Variants in CPNE4 observed in about 807,000 individuals in gnomAD.
CPNE4 encodes the protein copine 4.
CPNE4 carries 25 observed loss-of-function variants against 67.9 expected under a neutral mutation model. The observed-to-expected ratio is 0.37, with a 90% confidence interval of 0.27 to 0.51. The LOEUF (loss-of-function observed/expected upper bound fraction) is 0.51, where lower values mean the gene tolerates loss of function less well. Among genes scored for constraint, CPNE4 ranks in the 20% least tolerant of loss-of-function variants. The probability of loss-of-function intolerance (pLI) is 0.93; values close to 1 mark genes in which losing one functional copy is unlikely to be tolerated. For synonymous variants in CPNE4, 242 were observed against 244.9 expected (o/e 0.99, Z 0.11); for missense variants, 464 against 690.8 (o/e 0.67, Z 3.68).
intron 2 of CPNE4, among the ~76,000 whole-genome samples, chr3:131,792,648 T>TGTATATATATAC (rs2083770271): frequency 7.9e-5 from 3 of 37,786 alleles, no homozygotes; most frequent in Non-Finnish European, 1.2e-4. Context: ...TGTATATATG[T>TGTATATATATAC]ATATATACAC....
At chr3:131,814,817 G>C (rs1164197811) in intron 2 of CPNE4, among the ~76,000 whole-genome samples, 1 of 148,794 alleles carries the variant, frequency 6.7e-6, no homozygotes, top group Non-Finnish European at 1.5e-5. Flanking sequence ...TTATAGCCGG[G>C]ATGGTCTCGA....
intron 1 of CPNE4, among the ~76,000 whole-genome samples, chr3:131,991,017 G>C (rs1036998411): frequency 7.3e-6 from 1 of 136,390 alleles, no homozygotes; most frequent in African/African-American, 2.5e-5. Context: ...CTTCCACCGT[G>C]ATTGTAAGTT....
chr3:131,807,383 AC>A (rs1201315123), intron 2 of CPNE4, among the ~76,000 whole-genome samples: 1 of 152,208 alleles, frequency 6.6e-6, no homozygotes, highest in African/African-American at 2.4e-5. Flanking sequence ...TTTTTAAAAA[AC>A]ATTTTGCTTT....
chr3:131,737,754 C>G (rs1438954531), intron 2 of CPNE4, among the ~76,000 whole-genome samples: 1 of 152,048 alleles, frequency 6.6e-6, no homozygotes, highest in African/African-American at 2.4e-5. Context: ...GGTTAGAGGG[C>G]TCAGGAAATG....
intron 1 of CPNE4, among the ~76,000 whole-genome samples, chr3:131,956,330 T>A (rs2071971149): frequency 6.6e-6 from 1 of 152,212 alleles, no homozygotes; most frequent in Non-Finnish European, 1.5e-5. Flanking sequence ...ATTGGCTTGA[T>A]GTATTTCTTA....
chr3:131,828,207 T>C lies in CPNE4; in HGVS notation c.180+77057A>G, dbSNP rs573332262. 4.3e-4 allele frequency among the ~76,000 whole-genome samples: 66 copies of C among 152,290 alleles called. 1 individual carries two copies. Among genetic ancestry groups the C allele is most frequent in the African/African-American group, 1.6e-3 (66 of 41,574 alleles). On this transcript the variant is annotated intron_variant, in intron 2 of 15. Transcript: ENST00000429747. ...TTTCATTGAGAGTCTAATTTACCTA[T>C]AATAAAAGGCACAGATTTTAAGAGC...
chr3:131,788,169 T>C (rs995602286), intron 2 of CPNE4, among the ~76,000 whole-genome samples: 3 of 151,914 alleles, frequency 2.0e-5, no homozygotes, highest in Non-Finnish European at 2.9e-5. Context: ...TAAACCTCCA[T>C]ATACAAGAAA....
chr3:131,757,781 C>T lies in CPNE4; in HGVS notation c.181-34156G>A, dbSNP rs556690289. Among the ~76,000 whole-genome samples the T allele has an allele frequency of 9.8e-5, 15 of 152,290 alleles. No individual in the cohort carries two copies. In the East Asian group the frequency reaches 2.9e-3, roughly 29 times the overall value. Reference sequence around the variant, plus strand: ...GGTTTCATGGGCTGAGCCCAGGGTCCCTGTGCTGTGTGCAGCCTAGGGAAT... The same window carrying T: ...GGTTTCATGGGCTGAGCCCAGGGTCTCTGTGCTGTGTGCAGCCTAGGGAAT... On this transcript the variant is annotated intron_variant, in intron 2 of 15. Transcript: ENST00000429747.
intron 2 of CPNE4, among the ~76,000 whole-genome samples, chr3:131,886,367 T>A (rs1042430222): frequency 1.3e-5 from 2 of 152,206 alleles, no homozygotes; most frequent in Non-Finnish European, 2.9e-5. Flanking sequence ...TTTTAGAAGA[T>A]GTACGGAAAC....
intron 1 of CPNE4, among the ~76,000 whole-genome samples, chr3:131,931,359 C>T (rs546669198): frequency 2.6e-4 from 40 of 152,194 alleles, no homozygotes; most frequent in Admixed American, 2.2e-3. Flanking sequence ...CTCAGGAAGG[C>T]GAAGATTAAT....
chr3:131,739,456 T>C, intron 2 of CPNE4, among the ~76,000 whole-genome samples: 1 of 152,204 alleles, frequency 6.6e-6, no homozygotes, highest in East Asian at 1.9e-4. Flanking sequence ...GTGCTTCCTG[T>C]TTCTAAGGAA....
At chr3:131,629,346 T>A (rs2079162063) in intron 7 of CPNE4, among the ~76,000 whole-genome samples, 1 of 151,992 alleles carries the variant, frequency 6.6e-6, no homozygotes, top group African/African-American at 2.4e-5. Context: ...CAGATGATTA[T>A]TGGCATTTTT....
chr3:131,645,527 C>T (rs766400626), intron 7 of CPNE4, among the ~76,000 whole-genome samples: 79 of 152,162 alleles, frequency 5.2e-4, no homozygotes, highest in South Asian at 1.7e-3. Context: ...TATTTTATGC[C>T]CATTTTATTA....
chr3:131,542,618 G>A lies in CPNE4; in HGVS notation c.1478C>T (p.Pro493Leu). 6.2e-7 allele frequency: 1 copy of A among 1,614,056 alleles called. No individual in the cohort carries two copies. Among genetic ancestry groups the A allele is most frequent in the Non-Finnish European group, 8.5e-7 (1 of 1,179,988 alleles). Residue 493 changes from proline (P) to leucine (L), a missense_variant, in exon 15 of 16, where the codon CCC (proline) becomes CTC (leucine). Around this residue, in one of 6 missense-constraint regions of CPNE4, gnomAD observed 201 missense variants for 357.7 expected, o/e 0.56. Transcript: ENST00000429747. ...GTCTCGAAGAACAGGCTCTCCCTTG[G>A]GTGACCTCAGAATCCCATCATCACC... ...LDGDDGILRS[P>L]KGEPVLRDIV...
At chr3:131,723,390 G>C (rs748504181) in intron 3 of CPNE4, 56 bp downstream of exon 3, 4 of 1,451,210 alleles carry the variant, frequency 2.8e-6, no homozygotes, top group Non-Finnish European at 3.8e-6. Context: ...GGGAAAGGGG[G>C]CAGGAAGAAA....
intron 1 of CPNE4, among the ~76,000 whole-genome samples, chr3:131,928,571 A>C (rs2070961797): frequency 6.6e-6 from 1 of 152,186 alleles, no homozygotes; most frequent in African/African-American, 2.4e-5. Flanking sequence ...GACTAGCCTT[A>C]AAAACCATTC....
chr3:131,582,033 T>A (rs73216417), intron 8 of CPNE4, among the ~76,000 whole-genome samples: 2 of 152,314 alleles, frequency 1.3e-5, no homozygotes, highest in Middle Eastern at 3.4e-3. Context: ...GCCTGGCACA[T>A]GTCAATGCTT....
chr3:131,939,023 AC>A (rs2107851165), intron 1 of CPNE4, among the ~76,000 whole-genome samples: 1 of 152,282 alleles, frequency 6.6e-6, no homozygotes, highest in Non-Finnish European at 1.5e-5. Context: ...ACTCTCTTGC[AC>A]CACTAATGGA....
At chr3:131,749,733 C>T (rs563590048) in intron 2 of CPNE4, among the ~76,000 whole-genome samples, 19 of 152,140 alleles carry the variant, frequency 1.2e-4, no homozygotes, top group Admixed American at 2.6e-4. Context: ...TTTCTTTACT[C>T]TGAAGTTTAA....
Sources: gnomAD v4.1 joint callset for allele counts (sites outside exome capture counted in the v4.1 genomes callset) on GRCh38, gnomAD v4.1.1 for gene constraint, gnomAD v4.1.1 regional missense constraint, MANE v1.5 for transcripts, NCBI Gene and HGNC (gene_info 2026-07-23, HGNC 2026-07-21) for gene names.